KLHL20: variants seen among roughly 807,000 people sequenced by gnomAD.
KLHL20 encodes kelch-like protein 20.
In KLHL20, 29 loss-of-function variants were observed where a neutral mutation model predicts 69.5. The ratio of observed to expected loss-of-function variants is 0.42; its 90% CI spans 0.31 to 0.57. The LOEUF is 0.57. Ranked by LOEUF, KLHL20 falls within the 20% of genes least tolerant of loss-of-function variation. The probability of loss-of-function intolerance (pLI) is 0.18; values close to 1 mark genes in which losing one functional copy is unlikely to be tolerated. For synonymous variants in KLHL20, 253 were observed against 265.2 expected, an observed-to-expected ratio of 0.95 and a Z score of 0.45; for missense variants, 419 against 776.0, an observed-to-expected ratio of 0.54 and a Z score of 5.47.
At position 173,786,673 on chromosome 1, in the gene KLHL20, A is replaced by G. The variant is rs1390332314; in HGVS notation, c.*1426A>G. On this transcript the variant is annotated 3_prime_UTR_variant, in exon 12 of 12. Transcript: ENST00000209884. The stretch of plus-strand genomic sequence containing the variant: ...ATGTATAACTTTTTTAAATAAAGGT[A>G]GTATTTACCATTAAAAAAATTTTAG... 1.3e-5 allele frequency: 2 copies of G among 152,598 alleles called. No homozygotes were observed. Among genetic ancestry groups the G allele is most frequent in the African/African-American group, 4.8e-5 (2 of 41,468 alleles). The allele number at this position is 152,598 out of a possible 1,614,324, so 9.5% of individuals were successfully genotyped here. A position where few individuals can be genotyped will look rare whatever the true frequency, so the allele number is the denominator to read the frequency against.
intron 8 of KLHL20, among the ~76,000 whole-genome samples, chr1:173,768,667 T>C (rs573653440): frequency 6.6e-6 from 1 of 152,280 alleles, no homozygotes; most frequent in East Asian, 1.9e-4. Flanking sequence ...GTTCTGGAGA[T>C]TGGAGTTACA....
At chr1:173,728,465 C>T (rs1256793978) in intron 2 of KLHL20, among the ~76,000 whole-genome samples, 1 of 152,116 alleles carries the variant, frequency 6.6e-6, no homozygotes, top group Non-Finnish European at 1.5e-5. Context: ...ACACCACACC[C>T]ATTCCAAAAC....
intron 2 of KLHL20, among the ~76,000 whole-genome samples, chr1:173,724,207 A>G (rs1196194823): frequency 1.4e-5 from 2 of 146,486 alleles, no homozygotes. Flanking sequence ...GGGCCTCACT[A>G]TGTTGCCTAG....
rs757798214 is a variant in KLHL20, at chr1:173,775,617, T to C, written c.1430-17T>C. ...AATGGTTGAATGCTCACTTACTGGTTTTTCTTTTCCCTACAGTGGAACGTT... is the reference window on the plus strand; with the variant it reads ...AATGGTTGAATGCTCACTTACTGGTCTTTCTTTTCCCTACAGTGGAACGTT... On this transcript the variant is annotated splice_polypyrimidine_tract_variant and intron_variant, in intron 9 of 11. Coordinates refer to ENST00000209884, the MANE Select transcript of KLHL20 (RefSeq NM_014458.4). 1 of 1,609,904 alleles carries C rather than the reference T, an allele frequency of 6.2e-7. No homozygotes were observed. Among genetic ancestry groups the C allele is most frequent in the South Asian group, 1.1e-5 (1 of 90,818 alleles).
At chr1:173,717,969 G>C (rs1671540120) in intron 2 of KLHL20, among the ~76,000 whole-genome samples, 1 of 152,152 alleles carries the variant, frequency 6.6e-6, no homozygotes. Flanking sequence ...TCAGTGAAAA[G>C]TTAACTCTCC....
At chr1:173,766,652 A>G (rs1026062618) in intron 8 of KLHL20, among the ~76,000 whole-genome samples, 13 of 151,466 alleles carry the variant, frequency 8.6e-5, no homozygotes, top group African/African-American at 3.2e-4. Flanking sequence ...AGGGGGAAAA[A>G]AAAAAAAAAA....
chr1:173,781,669 G>A (rs1442307877), intron 10 of KLHL20, among the ~76,000 whole-genome samples: 1 of 152,144 alleles, frequency 6.6e-6, no homozygotes, highest in East Asian at 1.9e-4. Flanking sequence ...GTCTCACTGT[G>A]TTGCCCAAGC....
intron 3 of KLHL20, among the ~76,000 whole-genome samples, chr1:173,739,240 T>A (rs1052198191): frequency 2.0e-5 from 3 of 151,972 alleles, no homozygotes; most frequent in Non-Finnish European, 4.4e-5. Context: ...GCCCAGCTAA[T>A]TTTTTGTATG....
chr1:173,760,610 G>A (rs1222069904), intron 7 of KLHL20, among the ~76,000 whole-genome samples: 1 of 152,198 alleles, frequency 6.6e-6, no homozygotes, highest in Non-Finnish European at 1.5e-5. Flanking sequence ...TTCGTATCCA[G>A]TGAAACTAAG....
chr1:173,728,750 G>A (rs1000011048), intron 2 of KLHL20, among the ~76,000 whole-genome samples: 5 of 152,092 alleles, frequency 3.3e-5, no homozygotes, highest in Non-Finnish European at 7.3e-5. Context: ...GCAGTGTGTA[G>A]AGGGAAATTT....
intron 3 of KLHL20, among the ~76,000 whole-genome samples, chr1:173,751,405 T>C (rs893993001): frequency 1.3e-5 from 2 of 152,234 alleles, no homozygotes; most frequent in African/African-American, 4.8e-5. Flanking sequence ...AGACACTGCC[T>C]ATTCAGCAAC....
intron 3 of KLHL20, among the ~76,000 whole-genome samples, chr1:173,749,495 C>T (rs1368001109): frequency 6.6e-6 from 1 of 152,150 alleles, no homozygotes; most frequent in African/African-American, 2.4e-5. Flanking sequence ...CAAGGATAGA[C>T]TTTAGTGCTA....
intron 5 of KLHL20, among the ~76,000 whole-genome samples, chr1:173,754,377 A>G (rs1402780335): frequency 6.6e-6 from 1 of 152,124 alleles, no homozygotes; most frequent in Non-Finnish European, 1.5e-5. Context: ...ACCTGAGGTC[A>G]GGAGTTCGAG....
At chr1:173,737,398 A>G (rs184329783) in intron 3 of KLHL20, among the ~76,000 whole-genome samples, 9 of 152,326 alleles carry the variant, frequency 5.9e-5, no homozygotes, top group African/African-American at 2.2e-4. Flanking sequence ...TGGTTTTTGT[A>G]TAAGGTGAGA....
At chr1:173,735,846 A>G (rs1263621201) in intron 3 of KLHL20, among the ~76,000 whole-genome samples, 2 of 151,294 alleles carry the variant, frequency 1.3e-5, no homozygotes, top group Non-Finnish European at 2.9e-5. Context: ...GTGAGAACAT[A>G]TCATTTTTGG....
chr1:173,720,983 T>A (rs1479240003), intron 2 of KLHL20, among the ~76,000 whole-genome samples: 1 of 150,646 alleles, frequency 6.6e-6, no homozygotes, highest in African/African-American at 2.4e-5. Flanking sequence ...AAAAAAAATG[T>A]GAGTCATCAA....
chr1:173,716,913 C>T (rs1404263829), intron 2 of KLHL20, among the ~76,000 whole-genome samples: 1 of 152,134 alleles, frequency 6.6e-6, no homozygotes, highest in Non-Finnish European at 1.5e-5. Flanking sequence ...TATCAATTGA[C>T]CTTGAGCTGT....
In KLHL20 at chr1:173,786,522, T is replaced by G. The variant is rs1459272931; in HGVS notation, c.*1275T>G. The G allele has an allele frequency of 1.3e-5, 2 of 152,612 alleles. No homozygotes were observed. Among genetic ancestry groups the G allele is most frequent in the African/African-American group, 2.4e-5 (1 of 41,454 alleles). The allele number at this position is 152,612 out of a possible 1,614,324, so 9.5% of individuals were successfully genotyped here. ...TTAAAAGGAATAACCTCCTTCTCCCTTTCCCCAACTACAAAAATGTTTGGC... is the reference window on the plus strand; with the variant it reads ...TTAAAAGGAATAACCTCCTTCTCCCGTTCCCCAACTACAAAAATGTTTGGC... On this transcript the variant is annotated 3_prime_UTR_variant, in exon 12 of 12. Coordinates refer to ENST00000209884, the MANE Select transcript of KLHL20 (RefSeq NM_014458.4).
At chr1:173,783,777 A>G (rs1485742033) in intron 11 of KLHL20, among the ~76,000 whole-genome samples, 1 of 152,036 alleles carries the variant, frequency 6.6e-6, no homozygotes, top group Non-Finnish European at 1.5e-5. Context: ...CTGAGGCAGG[A>G]GAATCACTTG....
Sources: gnomAD v4.1 joint callset for allele counts (sites outside exome capture counted in the v4.1 genomes callset) on GRCh38, gnomAD v4.1.1 for gene constraint, MANE v1.5 for transcripts, NCBI Gene and HGNC (gene_info 2026-07-23, HGNC 2026-07-21) for gene names.